The following BCKDHB variants were observed in gnomAD, a reference collection of about 807,000 sequenced individuals.
The protein encoded by BCKDHB is 2-oxoisovalerate dehydrogenase subunit beta, mitochondrial.
In BCKDHB, 41 loss-of-function variants were observed where a neutral mutation model predicts 48.5. The ratio of observed to expected loss-of-function variants is 0.85; its 90% CI spans 0.66 to 1.10. The LOEUF (loss-of-function observed/expected upper bound fraction) is 1.10, where lower values mean the gene tolerates loss of function less well. BCKDHB is among the 50% of genes least tolerant of loss of function. BCKDHB has a pLI of 0.00. For missense variants in BCKDHB, 496 were observed against 494.2 expected (o/e 1.00, Z -0.03); for synonymous variants, 201 against 174.8 (o/e 1.15, Z -1.18).
At position 80,309,697 on chromosome 6, in the gene BCKDHB, T is replaced by C. The variant is rs73465510; in HGVS notation, c.1039-33967T>C. On this transcript the variant is annotated intron_variant, in intron 9 of 9. Transcript: ENST00000320393. ...TCCATACTAAAATGGCTTTATTCTT[T>C]ACCATTTTACTTGTTAAAACTTTTA... Among the ~76,000 whole-genome samples, 752 of 152,334 alleles carry C rather than the reference T, an allele frequency of 4.9e-3. 5 individuals are homozygous for C. The highest frequency in any genetic ancestry group is 0.017 in the African/African-American group (722 of 41,562).
the BCKDHB span, among the ~76,000 whole-genome samples, chr6:80,361,090 A>G: frequency 5.3e-5 from 8 of 151,552 alleles, no homozygotes; most frequent in South Asian, 1.3e-3. Flanking sequence ...TTCTCCCTTC[A>G]TGTCTTCCAG....
chr6:80,371,003 C>T, the BCKDHB span, among the ~76,000 whole-genome samples: 26 of 151,924 alleles, frequency 1.7e-4, no homozygotes, highest in African/African-American at 6.3e-4. Flanking sequence ...GGGTAGATAC[C>T]CAGGAGTGGG....
chr6:80,367,993 C>T, the BCKDHB span, among the ~76,000 whole-genome samples: 73 of 152,344 alleles, frequency 4.8e-4, no homozygotes, highest in Admixed American at 9.2e-4. Flanking sequence ...CTGAGAGTGA[C>T]GCTGTGTGAG....
At chr6:80,110,527 T>C (rs754947301) in intron 1 of BCKDHB, among the ~76,000 whole-genome samples, 9 of 152,238 alleles carry the variant, frequency 5.9e-5, no homozygotes, top group Non-Finnish European at 1.2e-4. Flanking sequence ...GGGGCTATCC[T>C]GAAAACCCTG....
At chr6:80,386,302 G>T in the BCKDHB span, among the ~76,000 whole-genome samples, 1 of 152,062 alleles carries the variant, frequency 6.6e-6, no homozygotes, top group Non-Finnish European at 1.5e-5. Context: ...AGCAAGGTAT[G>T]AAATCAACCT....
chr6:80,455,956 G>A, the BCKDHB span, among the ~76,000 whole-genome samples: 1 of 152,156 alleles, frequency 6.6e-6, no homozygotes, highest in African/African-American at 2.4e-5. Flanking sequence ...TGGGCGCGGT[G>A]GCTCATGCCT....
the BCKDHB span, among the ~76,000 whole-genome samples, chr6:80,411,199 C>T: frequency 6.6e-6 from 1 of 152,096 alleles, no homozygotes; most frequent in Admixed American, 6.6e-5. Flanking sequence ...TCTAACAGGC[C>T]CCTCAGCTGC....
At chr6:80,314,692 G>A (rs1169955849) in intron 9 of BCKDHB, among the ~76,000 whole-genome samples, 1 of 152,282 alleles carries the variant, frequency 6.6e-6, no homozygotes, top group African/African-American at 2.4e-5. Context: ...GGCTGGAACC[G>A]CTGAGTCGTC....
At chr6:80,226,064 G>A (rs934311805) in intron 8 of BCKDHB, among the ~76,000 whole-genome samples, 1 of 152,184 alleles carries the variant, frequency 6.6e-6, no homozygotes, top group Non-Finnish European at 1.5e-5. Context: ...TGACCTTACT[G>A]TAAATTTAAG....
intron 8 of BCKDHB, among the ~76,000 whole-genome samples, chr6:80,252,998 T>G (rs1166271178): frequency 6.6e-6 from 1 of 152,212 alleles, no homozygotes; most frequent in Non-Finnish European, 1.5e-5. Flanking sequence ...TGGCTATCTT[T>G]TACATTGTTT....
At chr6:80,392,004 T>A in the BCKDHB span, among the ~76,000 whole-genome samples, 1 of 152,150 alleles carries the variant, frequency 6.6e-6, no homozygotes, top group Non-Finnish European at 1.5e-5. Flanking sequence ...TTATTATTGT[T>A]ATTATTGAGA....
intron 3 of BCKDHB, among the ~76,000 whole-genome samples, chr6:80,134,047 G>GTA (rs753798421): frequency 1.3e-5 from 2 of 152,158 alleles, no homozygotes; most frequent in Non-Finnish European, 2.9e-5. Flanking sequence ...GAGAAAGAGT[G>GTA]TATGTGTGTG....
chr6:80,382,369 A>G, the BCKDHB span, among the ~76,000 whole-genome samples: 5 of 152,212 alleles, frequency 3.3e-5, no homozygotes, highest in African/African-American at 7.2e-5. Context: ...CAGAGAGCCT[A>G]TGATTCTAAT....
chr6:80,178,906 C>T (rs1162285121), intron 6 of BCKDHB, among the ~76,000 whole-genome samples: 1 of 152,190 alleles, frequency 6.6e-6, no homozygotes, highest in African/African-American at 2.4e-5. Flanking sequence ...TTTTGCATCC[C>T]ACCTAATTAT....
chr6:80,384,049 A>AG, the BCKDHB span, among the ~76,000 whole-genome samples: 1 of 21,184 alleles, frequency 4.7e-5, no homozygotes, highest in Non-Finnish European at 3.4e-3. Flanking sequence ...GGAAGTTAAC[A>AG]TAGGAGTGAT....
chr6:80,275,641 T>C (rs1180506992), intron 9 of BCKDHB, among the ~76,000 whole-genome samples: 1 of 151,986 alleles, frequency 6.6e-6, no homozygotes, highest in African/African-American at 2.4e-5. Context: ...TATCTACTGA[T>C]AAAGAAGATT....
intron 1 of BCKDHB, among the ~76,000 whole-genome samples, chr6:80,121,776 A>T (rs945484684): frequency 4.6e-5 from 7 of 152,154 alleles, no homozygotes; most frequent in African/African-American, 1.7e-4. Context: ...GGGTTTTCTA[A>T]ATATACAATA....
chr6:80,157,878 T>C (rs1289103804), intron 3 of BCKDHB, among the ~76,000 whole-genome samples: 3 of 152,204 alleles, frequency 2.0e-5, no homozygotes, highest in African/African-American at 7.2e-5. Flanking sequence ...ATAGTACATA[T>C]CTATTTCAAC....
intron 9 of BCKDHB, among the ~76,000 whole-genome samples, chr6:80,275,934 C>A (rs1777952709): frequency 6.6e-6 from 1 of 151,760 alleles, no homozygotes; most frequent in South Asian, 2.1e-4. Context: ...TTCTCTATTT[C>A]TTTTTTGGGG....
Sources: gnomAD v4.1 joint callset for allele counts (sites outside exome capture counted in the v4.1 genomes callset) on GRCh38, gnomAD v4.1.1 for gene constraint, MANE v1.5 for transcripts, NCBI Gene and HGNC (gene_info 2026-07-23, HGNC 2026-07-21) for gene names.